Variants in SYNE2 observed in about 807,000 individuals in gnomAD.
SYNE2 encodes the protein spectrin repeat containing nuclear envelope protein 2.
In SYNE2, 431 loss-of-function variants were observed where a neutral mutation model predicts 856.3. The observed-to-expected ratio is 0.50, with a 90% CI of 0.47 to 0.55. SYNE2 has a LOEUF of 0.55. Ranked by LOEUF, SYNE2 falls within the 20% of genes least tolerant of loss-of-function variation. SYNE2 has a pLI of 0.00. For missense variants in SYNE2, 8,129 were observed against 8,023.2 expected, an observed-to-expected ratio of 1.01 and a Z score of -0.50; for synonymous variants, 2,923 against 2,872.3, an observed-to-expected ratio of 1.02 and a Z score of -0.56.
chr14:64,005,429 G>A (rs2096788796), intron 30 of SYNE2, among the ~76,000 whole-genome samples: 1 of 152,148 alleles, frequency 6.6e-6, no homozygotes, highest in South Asian at 2.1e-4. Flanking sequence ...ACATGGACAT[G>A]GGGTGTAAAA....
chr14:64,049,159 A>G (rs2097206719), intron 46 of SYNE2: 1 of 152,236 alleles, frequency 6.6e-6, no homozygotes, highest in Non-Finnish European at 1.5e-5. Context: ...AACCTTTTAA[A>G]TATTAGGGAT....
chr14:64,221,737 C>G, intron 112 of SYNE2, 33 bp downstream of exon 112: 9 of 1,612,684 alleles, frequency 5.6e-6, no homozygotes, highest in Non-Finnish European at 7.6e-6. Flanking sequence ...TGTACTGCCA[C>G]CAGCCTCTGT....
At chr14:64,098,491 C>T (rs1235261573) in intron 62 of SYNE2, 3 of 591,690 alleles carry the variant, frequency 5.1e-6, no homozygotes, top group Non-Finnish European at 9.0e-6. Context: ...TCTCTGCATT[C>T]ACATCAATGA....
intron 90 of SYNE2, among the ~76,000 whole-genome samples, chr14:64,165,915 T>TA (rs1192602029): frequency 1.3e-5 from 2 of 152,216 alleles, no homozygotes; most frequent in Non-Finnish European, 2.9e-5. Context: ...CTTTTAGTAA[T>TA]ACGTCAGAGT....
At chr14:64,197,329 T>G (rs1165828326) in intron 99 of SYNE2, among the ~76,000 whole-genome samples, 1 of 152,180 alleles carries the variant, frequency 6.6e-6, no homozygotes, top group Non-Finnish European at 1.5e-5. Flanking sequence ...GAGGAGTGAT[T>G]ATGCCGTGTG....
intron 2 of SYNE2, among the ~76,000 whole-genome samples, chr14:63,931,566 A>G (rs2095756055): frequency 1.3e-5 from 2 of 151,496 alleles, no homozygotes; most frequent in South Asian, 4.2e-4. Flanking sequence ...AAAAAAAAAG[A>G]AAGAAAGAAA....
At chr14:63,792,005 G>C (rs909508226) in intron 1 of SYNE2, among the ~76,000 whole-genome samples, 1 of 150,164 alleles carries the variant, frequency 6.7e-6, no homozygotes, top group African/African-American at 2.5e-5. Context: ...TACATTGAAA[G>C]ATATTTGTTT....
chr14:64,187,378 AT>A (rs2098497261), intron 97 of SYNE2, among the ~76,000 whole-genome samples: 1 of 152,198 alleles, frequency 6.6e-6, no homozygotes, highest in South Asian at 2.1e-4. Context: ...GAACTTTTCA[AT>A]TTTTATACAA....
chr14:64,151,288 C>T lies in SYNE2; in HGVS notation c.15640-1276C>T, dbSNP rs115429228. On this transcript the variant is annotated intron_variant, in intron 84 of 115. Transcript: ENST00000555002. ...AGTTTTGCGGGACTGGATTTCAGTG[C>T]TCCTCTGTGAGGCTAGCACAAGGGA... Among the ~76,000 whole-genome samples the T allele has an allele frequency of 5.0e-3, 759 of 152,010 alleles. 6 individuals carry two copies. Among genetic ancestry groups the T allele is most frequent in the African/African-American group, 0.017 (711 of 41,452 alleles).
At chr14:64,174,670 AT>A (rs1197859748) in intron 94 of SYNE2, among the ~76,000 whole-genome samples, 1 of 151,890 alleles carries the variant, frequency 6.6e-6, no homozygotes, top group East Asian at 1.9e-4. Context: ...ATATTTTTTT[AT>A]TTCTCTGTGC....
At chr14:64,070,571 A>G in intron 51 of SYNE2, 74 bp from the exon 52 acceptor site, 1 of 1,345,634 alleles carries the variant, frequency 7.4e-7, no homozygotes, top group South Asian at 1.3e-5. Context: ...GCATACAAAA[A>G]TTATGTCTAC....
At position 64,002,914 on chromosome 14, in the gene SYNE2, CTT is replaced by C; in HGVS notation, c.3985_3986del (p.Leu1329GlyfsTer7). The C allele has an allele frequency of 6.2e-7, 1 of 1,614,174 alleles. No individual in the cohort carries two copies. Among genetic ancestry groups the C allele is most frequent in the Non-Finnish European group, 8.5e-7 (1 of 1,180,030 alleles). The part of the protein sequence containing the change: ...SEDTLKALED[F>X]LASLRTAKLS... ...AAGATACTCTCAAAGCTCTGGAAGA[CTT>C]TTTGGCGTCTCTCAGAACAGCTAAA... On this transcript the variant is annotated frameshift_variant, in exon 30 of 116. Transcript: ENST00000555002. LOFTEE classifies it high-confidence loss of function.
intron 35 of SYNE2, among the ~76,000 whole-genome samples, chr14:64,020,700 G>A (rs558781463): frequency 6.6e-6 from 1 of 152,178 alleles, no homozygotes; most frequent in African/African-American, 2.4e-5. Context: ...AGTCATCCTA[G>A]GTTTATTATT....
In SYNE2 at chr14:64,089,706, G is replaced by A. The variant is rs1314615896; in HGVS notation, c.11793+10G>A. Reference sequence around the variant, plus strand: ...TCTCAAACATGGGGAGGTAAGCATAGATTATTATTTAAAGTATTTTCTTAT... The same window carrying A: ...TCTCAAACATGGGGAGGTAAGCATAAATTATTATTTAAAGTATTTTCTTAT... On this transcript the variant is annotated intron_variant, in intron 59 of 115. Coordinates refer to ENST00000555002, the MANE Select transcript of SYNE2 (RefSeq NM_182914.3). 2.6e-6 allele frequency: 4 copies of A among 1,549,482 alleles called. No individual in the cohort carries two copies. The highest frequency in any genetic ancestry group is 8.9e-7 in the Non-Finnish European group (1 of 1,124,316).
rs1416372315 is a variant in SYNE2, at chr14:64,025,336, G to C, written c.6167G>C (p.Trp2056Ser). ...GATCTTGCACATGATGTAATTCATT[G>C]GATAAAAGAGATTAAAGAGTCCCTT... Reference protein sequence around the residue: ...FNDLAHDVIHWIKEIKESLMV... With the variant: ...FNDLAHDVIHSIKEIKESLMV... The change falls in exon 41 of 116, where the codon TGG becomes TCG. Residue 2056 changes from tryptophan to serine, a missense_variant. By Grantham distance (177) the Trp-to-Ser change is radical. Transcript: ENST00000555002. The C allele has an allele frequency of 6.2e-7, 1 of 1,614,010 alleles. No homozygotes were observed. The highest frequency in any genetic ancestry group is 1.7e-5 in the Admixed American group (1 of 60,018).
chr14:63,984,792 C>G (rs2096612472), intron 18 of SYNE2, among the ~76,000 whole-genome samples: 1 of 152,082 alleles, frequency 6.6e-6, no homozygotes, highest in African/African-American at 2.4e-5. Flanking sequence ...TGTAAGAATA[C>G]CTACTTAGAA....
intron 1 of SYNE2, among the ~76,000 whole-genome samples, chr14:63,876,777 C>T (rs1225648508): frequency 1.3e-5 from 2 of 152,178 alleles, no homozygotes; most frequent in Non-Finnish European, 2.9e-5. Flanking sequence ...TGAGCCACTG[C>T]GCCTGGCCCC....
At position 64,025,008 on chromosome 14, in the gene SYNE2, C is replaced by T. The variant is rs1431453977; in HGVS notation, c.5937C>T (p.Phe1979=). ...AACCAGGGGAGAAAACTGAGCTGTT[C>T]TGCCAAGCTTTAGCTAGAAAGAGGT... ...MEEPGEKTEL[F]CQALARKREQ... The change falls in exon 40 of 116, where the codon TTC becomes TTT. Residue 1979 remains phenylalanine (F), a synonymous_variant. Coordinates refer to ENST00000555002, the MANE Select transcript of SYNE2 (RefSeq NM_182914.3). 3 of 1,614,036 alleles carry T rather than the reference C, an allele frequency of 1.9e-6. No individual in the cohort carries two copies. Among genetic ancestry groups the T allele is most frequent in the Non-Finnish European group, 2.5e-6 (3 of 1,179,950 alleles).
At chr14:63,872,383 T>A (rs1169188216) in intron 1 of SYNE2, among the ~76,000 whole-genome samples, 1 of 150,708 alleles carries the variant, frequency 6.6e-6, no homozygotes, top group Non-Finnish European at 1.5e-5. Flanking sequence ...TGAGCCAAGA[T>A]GGTTTGTCAC....
Sources: allele counts gnomAD v4.1 joint callset (sites outside exome capture counted in the v4.1 genomes callset), GRCh38; gene constraint gnomAD v4.1.1; transcripts MANE v1.5; gene names NCBI Gene and HGNC (gene_info 2026-07-23, HGNC 2026-07-21).